GALNT13: variants seen among roughly 807,000 people sequenced by gnomAD.
GALNT13 encodes the protein polypeptide N-acetylgalactosaminyltransferase 13.
GALNT13 carries 28 observed loss-of-function variants against 64.2 expected under a neutral mutation model. The observed-to-expected ratio is 0.44, with a 90% CI of 0.32 to 0.60. GALNT13 has a LOEUF of 0.60. Among genes scored for constraint, GALNT13 ranks in the 20% least tolerant of loss-of-function variants. GALNT13 has a pLI of 0.05. For missense variants in GALNT13, 577 were observed against 669.8 expected (o/e 0.86, Z 1.53); for synonymous variants, 214 against 224.6 (o/e 0.95, Z 0.42).
intron 8 of GALNT13, among the ~76,000 whole-genome samples, chr2:154,289,994 C>T (rs376987506): frequency 4.8e-4 from 73 of 152,278 alleles, no homozygotes; most frequent in African/African-American, 1.6e-3. Context: ...CTAGGAGACT[C>T]AGGAGTGCAG....
chr2:154,362,710 A>G (rs1353956542), intron 9 of GALNT13, among the ~76,000 whole-genome samples: 4 of 152,204 alleles, frequency 2.6e-5, no homozygotes, highest in African/African-American at 9.6e-5. Flanking sequence ...TGTTTTATGC[A>G]CTAAGTTTTG....
chr2:154,392,783 G>T (rs558686084), intron 9 of GALNT13, among the ~76,000 whole-genome samples: 5 of 152,120 alleles, frequency 3.3e-5, no homozygotes, highest in African/African-American at 1.2e-4. Context: ...TAAGGAACAG[G>T]CAATAGTGAA....
the GALNT13 span, among the ~76,000 whole-genome samples, chr2:153,117,652 A>G: frequency 6.6e-6 from 1 of 152,166 alleles, no homozygotes; most frequent in Admixed American, 6.5e-5. Context: ...AGGTGAGTTC[A>G]TTTACTCACA....
At chr2:154,365,279 T>A (rs1342346621) in intron 9 of GALNT13, among the ~76,000 whole-genome samples, 1 of 152,186 alleles carries the variant, frequency 6.6e-6, no homozygotes, top group Non-Finnish European at 1.5e-5. Flanking sequence ...CAGGTCACAA[T>A]CAATTGTTGG....
At chr2:153,132,433 G>C in the GALNT13 span, among the ~76,000 whole-genome samples, 2 of 152,144 alleles carry the variant, frequency 1.3e-5, no homozygotes, top group African/African-American at 4.8e-5. Context: ...TATTACCTAA[G>C]AGTATGCAGA....
At chr2:153,565,775 C>T in the GALNT13 span, among the ~76,000 whole-genome samples, 3 of 152,016 alleles carry the variant, frequency 2.0e-5, no homozygotes, top group Non-Finnish European at 4.4e-5. Flanking sequence ...CAAGTATGCA[C>T]GTGCTTGTGC....
chr2:153,789,957 A>C, the GALNT13 span, among the ~76,000 whole-genome samples: 2 of 152,318 alleles, frequency 1.3e-5, no homozygotes, highest in South Asian at 4.1e-4. Flanking sequence ...GCCAAGCAAC[A>C]AAAGGCCCAG....
At chr2:153,604,463 T>C in the GALNT13 span, among the ~76,000 whole-genome samples, 6 of 152,020 alleles carry the variant, frequency 3.9e-5, no homozygotes, top group African/African-American at 1.4e-4. Context: ...GATAATTTGG[T>C]CTCCTCCCTC....
At chr2:153,976,011 A>T (rs1694054523) in intron 3 of GALNT13, among the ~76,000 whole-genome samples, 1 of 152,122 alleles carries the variant, frequency 6.6e-6, no homozygotes. Context: ...TAAATATCAC[A>T]TCCCAACATA....
At chr2:153,668,165 A>C in the GALNT13 span, among the ~76,000 whole-genome samples, 1 of 152,144 alleles carries the variant, frequency 6.6e-6, no homozygotes, top group East Asian at 1.9e-4. Context: ...TAATAGTGGG[A>C]GAGTTCAATG....
intron 9 of GALNT13, among the ~76,000 whole-genome samples, chr2:154,361,439 T>C (rs973070936): frequency 3.3e-5 from 5 of 152,132 alleles, no homozygotes; most frequent in Admixed American, 1.3e-4. Context: ...AGTGATCTTA[T>C]GACTTTGTGA....
intron 3 of GALNT13, among the ~76,000 whole-genome samples, chr2:154,022,662 AT>A (rs1182305114): frequency 1.3e-5 from 2 of 151,988 alleles, no homozygotes; most frequent in Admixed American, 6.6e-5. Flanking sequence ...GGATTCATTA[AT>A]TTTTTGGAGG....
chr2:153,113,298 C>T, the GALNT13 span, among the ~76,000 whole-genome samples: 3 of 152,010 alleles, frequency 2.0e-5, no homozygotes, highest in African/African-American at 7.3e-5. Flanking sequence ...ACTCTCTGTA[C>T]TCTAGAAGTA....
intron 4 of GALNT13, among the ~76,000 whole-genome samples, chr2:154,166,129 G>C (rs1163899041): frequency 1.4e-4 from 22 of 152,198 alleles, no homozygotes. Flanking sequence ...TGTTGGCTGG[G>C]CACTGTGGTT....
chr2:154,341,368 A>G (rs1197751349), intron 9 of GALNT13, among the ~76,000 whole-genome samples: 1 of 152,170 alleles, frequency 6.6e-6, no homozygotes, highest in Non-Finnish European at 1.5e-5. Flanking sequence ...AATGTGCAAT[A>G]TACATTAAGT....
At chr2:153,617,481 T>C in the GALNT13 span, among the ~76,000 whole-genome samples, 3 of 152,052 alleles carry the variant, frequency 2.0e-5, no homozygotes, top group South Asian at 6.2e-4. Context: ...TGTTGATGAT[T>C]ATTGCTTCAG....
chr2:153,422,213 G>A, the GALNT13 span, among the ~76,000 whole-genome samples: 1 of 152,122 alleles, frequency 6.6e-6, no homozygotes, highest in African/African-American at 2.4e-5. Context: ...AAAGGCAAAA[G>A]CCTTAATTGC....
chr2:153,284,030 G>T, the GALNT13 span, among the ~76,000 whole-genome samples: 2 of 152,168 alleles, frequency 1.3e-5, no homozygotes, highest in African/African-American at 4.8e-5. Context: ...CTGCCTGGGC[G>T]TGGAGCTGAG....
Position 154,162,390 on chromosome 2 carries a change from CA to C in GALNT13, c.311+21888del, listed in dbSNP as rs1192706032. On this transcript the variant is annotated intron_variant, in intron 4 of 12. Transcript: ENST00000392825. The stretch of plus-strand genomic sequence containing the variant: ...CTATTCACCTGTGAATGATTTTAAC[CA>C]AAGTAAATTGCTTCAACTCTGTGCT... Among the ~76,000 whole-genome samples the C allele has an allele frequency of 3.3e-5, 5 of 152,218 alleles. No homozygotes were observed. In the East Asian group the frequency reaches 9.7e-4, roughly 29 times the overall value.
Sources: allele counts gnomAD v4.1 joint callset (sites outside exome capture counted in the v4.1 genomes callset), GRCh38; gene constraint gnomAD v4.1.1; transcripts MANE v1.5; gene names NCBI Gene and HGNC (gene_info 2026-07-23, HGNC 2026-07-21).